The following NIBAN2 variants were observed in gnomAD, a reference collection of about 807,000 sequenced individuals.
NIBAN2 encodes protein Niban 2.
In NIBAN2, 36 loss-of-function variants were observed where a neutral mutation model predicts 81.8. That is an observed-to-expected ratio of 0.44 (90% CI 0.34 to 0.58). The LOEUF is 0.58. Among genes scored for constraint, NIBAN2 ranks in the 20% least tolerant of loss-of-function variants. NIBAN2 has a pLI of 0.02. For missense variants in NIBAN2, 897 were observed against 1,014.1 expected, an observed-to-expected ratio of 0.88 and a Z score of 1.57; for synonymous variants, 445 against 441.6, an observed-to-expected ratio of 1.01 and a Z score of -0.10.
At chr9:127,577,012 G>T (rs1424949027) in intron 1 of NIBAN2, among the ~76,000 whole-genome samples, 1 of 151,330 alleles carries the variant, frequency 6.6e-6, no homozygotes, top group Non-Finnish European at 1.5e-5. Context: ...ATAATTTATT[G>T]TTATTTTATT....
upstream of NIBAN2, chr9:127,569,177 G>A: frequency 3.0e-6 from 2 of 671,160 alleles, no homozygotes; most frequent in Non-Finnish European, 3.4e-6. Context: ...GCTGCCCTGC[G>A]CCCGCCGCGT....
Position 127,507,524 on chromosome 9 carries a change from G to C in NIBAN2, c.1655-93C>G. On this transcript the variant is annotated intron_variant, in intron 13 of 13. Coordinates refer to ENST00000373312, the MANE Select transcript of NIBAN2 (RefSeq NM_022833.4). The surrounding 1 kb of genome is among the most constrained non-coding windows in gnomAD (Gnocchi z 6.8). ...GCTCAAAGAAGACCCGTCTCATCCC[G>C]CCTTGGGGGTCTGTGGTTGGGATGT... 1 of 1,129,722 alleles carries C rather than the reference G, an allele frequency of 8.9e-7. No homozygotes were observed. The highest frequency in any genetic ancestry group is 1.2e-6 in the Non-Finnish European group (1 of 812,296). 70.0% of individuals were successfully genotyped at this position (1,129,722 alleles called of 1,614,324 possible).
chr9:127,519,293 A>C (rs1306243840), intron 5 of NIBAN2, among the ~76,000 whole-genome samples: 10 of 152,038 alleles, frequency 6.6e-5, no homozygotes. Flanking sequence ...AACGCCAGCA[A>C]GGTAAACCCC....
chr9:127,523,592 C>G, intron 5 of NIBAN2, 87 bp downstream of exon 5: 1 of 1,412,980 alleles, frequency 7.1e-7, no homozygotes, highest in Non-Finnish European at 9.7e-7. Context: ...GTTGCCACAC[C>G]ATAGTCAGCC....
chr9:127,557,493 C>T (rs145027137), intron 1 of NIBAN2, among the ~76,000 whole-genome samples: 1 of 152,120 alleles, frequency 6.6e-6, no homozygotes, highest in Non-Finnish European at 1.5e-5. Flanking sequence ...AGGGCGGGGG[C>T]TCAGCCCCAA....
intron 1 of NIBAN2, among the ~76,000 whole-genome samples, chr9:127,560,666 T>C (rs1162890274): frequency 1.3e-5 from 2 of 152,124 alleles, no homozygotes; most frequent in East Asian, 1.9e-4. Flanking sequence ...GCAGACACCA[T>C]GTGATTGTGT....
chr9:127,511,731 T>C (rs1836739694), intron 8 of NIBAN2, among the ~76,000 whole-genome samples: 1 of 152,152 alleles, frequency 6.6e-6, no homozygotes, highest in Non-Finnish European at 1.5e-5. Context: ...AAAAAAATCC[T>C]AGTAATCCAA....
intron 5 of NIBAN2, among the ~76,000 whole-genome samples, chr9:127,521,446 C>A (rs1836939847): frequency 6.6e-6 from 1 of 152,174 alleles, no homozygotes; most frequent in African/African-American, 2.4e-5. Context: ...CCCGGCACAG[C>A]CAGTGCCCCA....
rs541503679 is a variant in NIBAN2 at position 127,536,776 on chromosome 9, G to A, written c.56-4998C>T. Among the ~76,000 whole-genome samples the A allele has an allele frequency of 1.4e-4, 21 of 152,336 alleles. No homozygotes were observed. Among genetic ancestry groups the A allele is most frequent in the African/African-American group, 4.3e-4 (18 of 41,582 alleles). Reference sequence around the variant, plus strand: ...AGGCAATTAGGTTCGAGCCATAGTCGGCTGCATGCCACCCTCCTGGTCCTA... The same window carrying A: ...AGGCAATTAGGTTCGAGCCATAGTCAGCTGCATGCCACCCTCCTGGTCCTA... On this transcript the variant is annotated intron_variant, in intron 1 of 13. Transcript: ENST00000373312. This position sits in a 1 kb window ranked among gnomAD's most constrained non-coding sequence, Gnocchi z 4.0.
chr9:127,548,182 G>A (rs1393393904), intron 1 of NIBAN2, among the ~76,000 whole-genome samples: 2 of 152,172 alleles, frequency 1.3e-5, no homozygotes, highest in East Asian at 3.8e-4. Flanking sequence ...TGACATGCTT[G>A]GGGTCCAATC....
intron 8 of NIBAN2, among the ~76,000 whole-genome samples, chr9:127,510,780 C>T (rs186019373): frequency 6.0e-4 from 91 of 151,818 alleles, no homozygotes; most frequent in Non-Finnish European, 1.1e-3. Context: ...TTGTCCAGGC[C>T]GGAGTGCAGT....
intron 1 of NIBAN2, among the ~76,000 whole-genome samples, chr9:127,540,823 G>A (rs1056822023): frequency 2.0e-5 from 3 of 152,244 alleles, no homozygotes; most frequent in Non-Finnish European, 2.9e-5. Flanking sequence ...TGCCAGACCC[G>A]TTCCTGGCTC....
chr9:127,507,437 G>C lies in NIBAN2; in HGVS notation c.1655-6C>G, dbSNP rs374268088. ...CACCGCGGCCTCCTTCACAGCTACAGGGCCACAGGGGAAGGGTCAGGACAC... is the reference window on the plus strand; with the variant it reads ...CACCGCGGCCTCCTTCACAGCTACACGGCCACAGGGGAAGGGTCAGGACAC... On this transcript the variant is annotated splice_polypyrimidine_tract_variant and splice_region_variant and intron_variant, in intron 13 of 13. Coordinates refer to ENST00000373312, the MANE Select transcript of NIBAN2 (RefSeq NM_022833.4). The surrounding 1 kb of genome is among the most constrained non-coding windows in gnomAD (Gnocchi z 6.8). 2 of 1,500,202 alleles carry C rather than the reference G, an allele frequency of 1.3e-6. No individual in the cohort carries two copies. The highest frequency in any genetic ancestry group is 2.8e-5 in the African/African-American group (2 of 71,484). The allele number at this position is 1,500,202 out of a possible 1,614,324, so 92.9% of individuals were successfully genotyped here.
At chr9:127,558,456 A>G (rs1401659993) in intron 1 of NIBAN2, among the ~76,000 whole-genome samples, 1 of 152,174 alleles carries the variant, frequency 6.6e-6, no homozygotes, top group African/African-American at 2.4e-5. Context: ...CCTGGGCCTC[A>G]GTTTACTGGG....
chr9:127,568,412 C>T (rs1182016807), intron 1 of NIBAN2, among the ~76,000 whole-genome samples: 1 of 152,242 alleles, frequency 6.6e-6, no homozygotes, highest in Admixed American at 6.5e-5. Flanking sequence ...GGAAGGTGAG[C>T]GCGAGCTGGC....
intron 4 of NIBAN2, 137 bp downstream of exon 4, chr9:127,524,921 C>A: frequency 1.6e-6 from 1 of 636,396 alleles, no homozygotes; most frequent in Non-Finnish European, 2.8e-6. Context: ...ACAATGAGGT[C>A]TCCATCCACA....
Position 127,517,820 on chromosome 9 carries a change from C to T in NIBAN2, c.705+6G>A. The T allele has an allele frequency of 6.2e-7, 1 of 1,610,382 alleles. No individual in the cohort carries two copies. Among genetic ancestry groups the T allele is most frequent in the Non-Finnish European group, 8.5e-7 (1 of 1,177,240 alleles). On this transcript the variant is annotated splice_donor_region_variant and intron_variant, in intron 6 of 13. Transcript: ENST00000373312. This position sits in a 1 kb window ranked among gnomAD's most constrained non-coding sequence, Gnocchi z 4.0. The stretch of plus-strand genomic sequence containing the variant: ...GAGGTTTCCTCACCAGCCCGTCTGG[C>T]CTCACCTGCACCTCGTTCCCACACA...
chr9:127,531,622 A>C (rs1175170968), intron 2 of NIBAN2, 26 bp downstream of exon 2: 2 of 1,607,490 alleles, frequency 1.2e-6, no homozygotes, highest in Non-Finnish European at 1.7e-6. Flanking sequence ...AGCAGAACAT[A>C]CCCGAGCCCT....
intron 1 of NIBAN2, among the ~76,000 whole-genome samples, chr9:127,577,584 C>T (rs1403370099): frequency 7.0e-6 from 1 of 143,764 alleles, no homozygotes; most frequent in Non-Finnish European, 1.5e-5. Context: ...TCCTCCAGAT[C>T]CAATACCCCA....
Sources: allele counts gnomAD v4.1 joint callset (sites outside exome capture counted in the v4.1 genomes callset), GRCh38; gene constraint gnomAD v4.1.1; non-coding constraint Gnocchi (gnomAD v3.1); transcripts MANE v1.5; gene names NCBI Gene and HGNC (gene_info 2026-07-23, HGNC 2026-07-21).